LDAH: variants seen among roughly 807,000 people sequenced by gnomAD.
LDAH encodes lipid droplet associated hydrolase, also known as lipid droplet-associated hydrolase.
A neutral mutation model predicts 29.6 loss-of-function variants in LDAH; 26 were observed. The ratio of observed to expected loss-of-function variants is 0.88; its 90% CI spans 0.64 to 1.22. The LOEUF (loss-of-function observed/expected upper bound fraction) is 1.22, where lower values mean the gene tolerates loss of function less well. LDAH is among the 50% of genes most tolerant of loss of function. The pLI, the probability that LDAH is intolerant of heterozygous loss-of-function variation, is 0.00. For missense variants in LDAH, 344 were observed against 387.3 expected (o/e 0.89, Z 0.94); for synonymous variants, 117 against 133.0 (o/e 0.88, Z 0.83).
chr2:20,727,137 G>A (rs899617617), intron 5 of LDAH, among the ~76,000 whole-genome samples: 4 of 152,170 alleles, frequency 2.6e-5, no homozygotes, highest in African/African-American at 9.7e-5. Context: ...CAGCACTGTG[G>A]GAGGCCAAGG....
intron 6 of LDAH, among the ~76,000 whole-genome samples, chr2:20,693,248 G>A (rs375478408): frequency 1.8e-5 from 2 of 113,308 alleles, no homozygotes; most frequent in Non-Finnish European, 3.3e-5. Flanking sequence ...GGAGCTCCTC[G>A]ACACAGACTG....
chr2:20,822,191 CT>C (rs1372398409), intron 1 of LDAH, among the ~76,000 whole-genome samples: 1 of 151,400 alleles, frequency 6.6e-6, no homozygotes, highest in African/African-American at 2.4e-5. Context: ...GTGGCGCCAT[CT>C]CGGCTCACTG....
chr2:20,685,046 C>T lies in LDAH; in HGVS notation c.*1857G>A. On this transcript the variant is annotated 3_prime_UTR_variant, in exon 7 of 7. Coordinates refer to ENST00000237822, the MANE Select transcript of LDAH (RefSeq NM_021925.4). The stretch of plus-strand genomic sequence containing the variant: ...TGCCCAACACAGAGATCAGGCCAGA[C>T]CAGGTCAGAAATGCTGGTAAAACAT... 1 of 1,228,154 alleles carries T rather than the reference C, an allele frequency of 8.1e-7. No individual in the cohort carries two copies. The highest frequency in any genetic ancestry group is 1.1e-6 in the Non-Finnish European group (1 of 919,588). The allele number at this position is 1,228,154 out of a possible 1,614,324, so 76.1% of individuals were successfully genotyped here.
intron 1 of LDAH, among the ~76,000 whole-genome samples, chr2:20,812,798 G>A (rs78273695): frequency 6.0e-4 from 92 of 152,300 alleles, no homozygotes; most frequent in East Asian, 2.3e-3. Context: ...GTCCAAGAGC[G>A]TAAGAACCAA....
intron 1 of LDAH, among the ~76,000 whole-genome samples, chr2:20,822,012 T>G (rs1157500234): frequency 6.6e-6 from 1 of 152,168 alleles, no homozygotes; most frequent in Non-Finnish European, 1.5e-5. Flanking sequence ...GAAGTTTAAT[T>G]AAAAAACAGC....
chr2:20,686,810 A>G lies in LDAH; in HGVS notation c.*93T>C, dbSNP rs990243215. The G allele has an allele frequency of 1.0e-5, 12 of 1,159,760 alleles. No homozygotes were observed. The African/African-American group carries it at 1.4e-4, about 14-fold the overall frequency. The allele number at this position is 1,159,760 out of a possible 1,614,324, so 71.8% of individuals were successfully genotyped here. ...AAGGTTCTCACTTTCTTCATTTCTA[A>G]TATCAGTCTTCAAAATTAAACATTT... On this transcript the variant is annotated 3_prime_UTR_variant, in exon 7 of 7. Coordinates refer to ENST00000237822, the MANE Select transcript of LDAH (RefSeq NM_021925.4).
At chr2:20,801,560 T>C in intron 1 of LDAH, 95 bp from the exon 2 acceptor site, 1 of 1,001,148 alleles carries the variant, frequency 1.0e-6, no homozygotes, top group Non-Finnish European at 1.5e-6. Context: ...CAAGTTTCAA[T>C]ATACCTAGAA....
In LDAH at chr2:20,771,319, A is replaced by G. The variant is rs369935765; in HGVS notation, c.468+3491T>C. Among the ~76,000 whole-genome samples, 7 of 152,364 alleles carry G rather than the reference A, an allele frequency of 4.6e-5. No individual in the cohort carries two copies. The South Asian group carries it at 6.2e-4, about 14-fold the overall frequency. On this transcript the variant is annotated intron_variant, in intron 4 of 6. Transcript: ENST00000237822. The stretch of plus-strand genomic sequence containing the variant: ...AAACCAGCTAGCTACTAAACTACAC[A>G]TATGTCCTCAAAATCTTACAAGAGT...
intron 4 of LDAH, among the ~76,000 whole-genome samples, chr2:20,768,214 C>A (rs1669170312): frequency 6.6e-6 from 1 of 152,184 alleles, no homozygotes; most frequent in Non-Finnish European, 1.5e-5. Flanking sequence ...CTGAAACATG[C>A]CCCCTGCTCG....
At chr2:20,696,479 A>T (rs1338299290) in intron 6 of LDAH, among the ~76,000 whole-genome samples, 1 of 152,136 alleles carries the variant, frequency 6.6e-6, no homozygotes, top group African/African-American at 2.4e-5. Context: ...GCTGCACTTC[A>T]TGTGTTCTCT....
At chr2:20,711,339 T>C (rs1045528576) in intron 5 of LDAH, among the ~76,000 whole-genome samples, 1 of 150,194 alleles carries the variant, frequency 6.7e-6, no homozygotes, top group African/African-American at 2.5e-5. Flanking sequence ...GGGCCGAGAT[T>C]GCGCCACTGC....
At chr2:20,817,384 C>T (rs923474122) in intron 1 of LDAH, among the ~76,000 whole-genome samples, 4 of 151,990 alleles carry the variant, frequency 2.6e-5, no homozygotes, top group Admixed American at 6.6e-5. Flanking sequence ...TATTACCCTA[C>T]CAAAGCCTGA....
At chr2:20,802,703 C>T (rs1202522306) in intron 1 of LDAH, among the ~76,000 whole-genome samples, 1 of 152,174 alleles carries the variant, frequency 6.6e-6, no homozygotes, top group South Asian at 2.1e-4. Context: ...CCTTGAATTT[C>T]CCTAGTGCCC....
intron 5 of LDAH, among the ~76,000 whole-genome samples, chr2:20,707,132 C>G (rs1185071584): frequency 6.6e-6 from 1 of 152,208 alleles, no homozygotes; most frequent in African/African-American, 2.4e-5. Flanking sequence ...AAGCCAAATA[C>G]TCTAAATCAC....
intron 1 of LDAH, among the ~76,000 whole-genome samples, chr2:20,810,103 AAGAT>A (rs1379176130): frequency 6.6e-6 from 1 of 152,240 alleles, no homozygotes; most frequent in Non-Finnish European, 1.5e-5. Flanking sequence ...GGGCACAACA[AAGAT>A]AGCCTATCTC....
chr2:20,796,794 T>TA (rs1477581562), intron 2 of LDAH, among the ~76,000 whole-genome samples: 1 of 152,134 alleles, frequency 6.6e-6, no homozygotes, highest in Non-Finnish European at 1.5e-5. Flanking sequence ...ACACCAACTT[T>TA]AAGAACCACA....
intron 3 of LDAH, among the ~76,000 whole-genome samples, chr2:20,777,437 A>T (rs1669894578): frequency 6.6e-6 from 1 of 152,124 alleles, no homozygotes; most frequent in Non-Finnish European, 1.5e-5. Flanking sequence ...TTATTTATTT[A>T]TTTTTGAGAT....
At chr2:20,712,920 A>G (rs1664877850) in intron 5 of LDAH, among the ~76,000 whole-genome samples, 1 of 152,240 alleles carries the variant, frequency 6.6e-6, no homozygotes, top group Admixed American at 6.5e-5. Context: ...TGATTAGTGT[A>G]CCTGAAAGTG....
chr2:20,791,680 C>G (rs1670961507), intron 2 of LDAH, among the ~76,000 whole-genome samples: 1 of 152,142 alleles, frequency 6.6e-6, no homozygotes, highest in Non-Finnish European at 1.5e-5. Flanking sequence ...GAAGGGCATA[C>G]CAGCACAGGG....
Sources: allele counts gnomAD v4.1 joint callset (sites outside exome capture counted in the v4.1 genomes callset), GRCh38; gene constraint gnomAD v4.1.1; transcripts MANE v1.5; gene names NCBI Gene and HGNC (gene_info 2026-07-23, HGNC 2026-07-21).